SORCS3: variants seen among roughly 807,000 people sequenced by gnomAD.
The protein encoded by SORCS3 is sortilin related VPS10 domain containing receptor 3.
Under a neutral mutation model 146.3 loss-of-function variants are expected in SORCS3, and 57 were observed. The observed-to-expected ratio is 0.39, with a 90% CI of 0.31 to 0.49. SORCS3 has a LOEUF of 0.49. SORCS3 is among the 20% of genes least tolerant of loss of function. SORCS3 has a pLI of 0.92. For missense variants in SORCS3, 1,341 were observed against 1,575.5 expected, an observed-to-expected ratio of 0.85 and a Z score of 2.52; for synonymous variants, 653 against 618.5, an observed-to-expected ratio of 1.06 and a Z score of -0.83.
At chr10:104,842,678 G>A in intron 1 of SORCS3, 114 bp from the exon 2 acceptor site, 2 of 763,590 alleles carry the variant, frequency 2.6e-6, no homozygotes, top group East Asian at 2.5e-5. Context: ...TAAATACTAA[G>A]CCCTCCTCTG....
At position 105,255,780 on chromosome 10, in the gene SORCS3, T is replaced by G. The variant is rs1179206086; in HGVS notation, c.3316T>G (p.Tyr1106Asp). The change falls in exon 24 of 27, where the codon TAT becomes GAT. Residue 1106 changes from tyrosine (Y) to aspartate (D), a missense_variant. Tyr to Asp is a radical substitution (Grantham distance 160, BLOSUM62 -3). Coordinates refer to ENST00000369701, the MANE Select transcript of SORCS3 (RefSeq NM_014978.3). ...GAAGCCGGGGGTACAAGTCATTGTG[T>G]ATGTCACACAGCTGACGTTAGGTGA... ...ELKPGVQVIVYVTQLTLAPLV... is the reference protein window; with the variant it reads ...ELKPGVQVIVDVTQLTLAPLV... 1.9e-6 allele frequency: 3 copies of G among 1,613,716 alleles called. No individual in the cohort carries two copies. In the South Asian group the frequency reaches 3.3e-5, roughly 18 times the overall value.
intron 4 of SORCS3, among the ~76,000 whole-genome samples, chr10:104,991,194 C>T (rs1866192499): frequency 6.6e-6 from 1 of 152,118 alleles, no homozygotes; most frequent in African/African-American, 2.4e-5. Flanking sequence ...AAAAAATGTT[C>T]TCTATATTGT....
At chr10:105,066,534 A>G (rs549641036) in intron 5 of SORCS3, among the ~76,000 whole-genome samples, 3 of 151,994 alleles carry the variant, frequency 2.0e-5, no homozygotes, top group Non-Finnish European at 4.4e-5. Context: ...TCACATTTGG[A>G]TTGTTACATC....
intron 5 of SORCS3, among the ~76,000 whole-genome samples, chr10:105,088,323 C>T (rs773653234): frequency 1.3e-5 from 2 of 152,016 alleles, no homozygotes; most frequent in Admixed American, 6.6e-5. Flanking sequence ...AAAAAGGAAA[C>T]GATAGAATGT....
intron 8 of SORCS3, among the ~76,000 whole-genome samples, chr10:105,140,877 A>C (rs2056090703): frequency 6.6e-6 from 1 of 152,136 alleles, no homozygotes; most frequent in Non-Finnish European, 1.5e-5. Flanking sequence ...TGGTGTTTGC[A>C]GGATGTACCC....
intron 1 of SORCS3, among the ~76,000 whole-genome samples, chr10:104,782,067 G>A (rs1319472098): frequency 3.9e-5 from 6 of 152,194 alleles, no homozygotes; most frequent in Admixed American, 3.9e-4. Flanking sequence ...AATGTGCTTG[G>A]GCTGAACTTT....
At chr10:105,204,092 C>T (rs1329459191) in intron 16 of SORCS3, among the ~76,000 whole-genome samples, 1 of 151,922 alleles carries the variant, frequency 6.6e-6, no homozygotes, top group African/African-American at 2.4e-5. Context: ...CGAGGGGGAG[C>T]CTTTACACGG....
At chr10:105,210,558 G>A (rs2056627416) in intron 16 of SORCS3, among the ~76,000 whole-genome samples, 1 of 152,166 alleles carries the variant, frequency 6.6e-6, no homozygotes, top group Admixed American at 6.5e-5. Flanking sequence ...AGGGAGAAGA[G>A]GGGAAAGAAA....
intron 2 of SORCS3, among the ~76,000 whole-genome samples, chr10:104,912,903 A>C (rs2018983691): frequency 6.6e-6 from 1 of 152,138 alleles, no homozygotes; most frequent in Admixed American, 6.5e-5. Flanking sequence ...GAAAAGGGTG[A>C]TGTTGGAATT....
chr10:104,976,872 A>G (rs1305373466), intron 3 of SORCS3, among the ~76,000 whole-genome samples: 2 of 152,086 alleles, frequency 1.3e-5, no homozygotes, highest in African/African-American at 4.8e-5. Context: ...GATCGCATGG[A>G]CACAGGAAGG....
intron 20 of SORCS3, among the ~76,000 whole-genome samples, chr10:105,224,084 C>G (rs1276522460): frequency 6.6e-6 from 1 of 152,214 alleles, no homozygotes; most frequent in African/African-American, 2.4e-5. Context: ...TACATTAATA[C>G]ATCATTATCA....
intron 5 of SORCS3, among the ~76,000 whole-genome samples, chr10:105,074,349 A>G (rs1223895041): frequency 6.6e-6 from 1 of 152,228 alleles, no homozygotes; most frequent in Non-Finnish European, 1.5e-5. Flanking sequence ...CAAACATAGT[A>G]CATTCCTTGT....
intron 2 of SORCS3, among the ~76,000 whole-genome samples, chr10:104,848,176 C>T (rs1033653686): frequency 2.0e-5 from 3 of 152,150 alleles, no homozygotes; most frequent in African/African-American, 7.2e-5. Context: ...GCACCAGCCC[C>T]GCCTTGCCGT....
chr10:104,881,563 C>A (rs938321995), intron 2 of SORCS3, among the ~76,000 whole-genome samples: 1 of 152,062 alleles, frequency 6.6e-6, no homozygotes. Context: ...AAAGAGAATT[C>A]TTTTAATAGA....
chr10:105,009,433 AG>A (rs1564733923), intron 4 of SORCS3, among the ~76,000 whole-genome samples: 1 of 151,600 alleles, frequency 6.6e-6, no homozygotes, highest in Non-Finnish European at 1.5e-5. Context: ...TGGGGAGAAA[AG>A]GTATTCAGGA....
chr10:105,129,672 C>CACACAT, intron 7 of SORCS3, among the ~76,000 whole-genome samples: 1 of 151,848 alleles, frequency 6.6e-6, no homozygotes, highest in Admixed American at 6.6e-5. Context: ...TACACACACA[C>CACACAT]ACACACACAC....
intron 4 of SORCS3, among the ~76,000 whole-genome samples, chr10:104,993,784 C>A (rs138079367): frequency 1.2e-3 from 189 of 152,184 alleles, no homozygotes; most frequent in African/African-American, 4.4e-3. Flanking sequence ...CTGAAAATGC[C>A]AGTTTAATAA....
chr10:104,720,582 A>G (rs1433464442), intron 1 of SORCS3, among the ~76,000 whole-genome samples: 2 of 152,264 alleles, frequency 1.3e-5, no homozygotes, highest in Non-Finnish European at 2.9e-5. Flanking sequence ...ACTAGTTTAC[A>G]GTCCCACTAA....
At chr10:105,225,172 A>G (rs1036800761) in intron 20 of SORCS3, among the ~76,000 whole-genome samples, 2 of 151,948 alleles carry the variant, frequency 1.3e-5, no homozygotes, top group African/African-American at 2.4e-5. Context: ...AACATCATCA[A>G]TGTTTTCTCC....
Sources: allele counts gnomAD v4.1 joint callset (sites outside exome capture counted in the v4.1 genomes callset), GRCh38; gene constraint gnomAD v4.1.1; transcripts MANE v1.5; gene names NCBI Gene and HGNC (gene_info 2026-07-23, HGNC 2026-07-21).